The following CDIN1 variants were observed in gnomAD, a reference collection of about 807,000 sequenced individuals.
CDIN1 encodes CDAN1 interacting nuclease 1, also known as CDAN1-interacting nuclease 1.
CDIN1 carries 33 observed loss-of-function variants against 45.3 expected under a neutral mutation model. The observed-to-expected ratio is 0.73, with a 90% CI of 0.55 to 0.97. The LOEUF is 0.97. Ranked by LOEUF, CDIN1 falls within the 50% of genes least tolerant of loss-of-function variation. The pLI is 0.00. For synonymous variants in CDIN1, 118 were observed against 124.4 expected (o/e 0.95, Z 0.34); for missense variants, 303 against 339.4 (o/e 0.89, Z 0.84).
chr15:36,731,043 AACT>A (rs1201312527), intron 10 of CDIN1, among the ~76,000 whole-genome samples: 1 of 152,088 alleles, frequency 6.6e-6, no homozygotes, highest in African/African-American at 2.4e-5. Flanking sequence ...GCTTTCACCC[AACT>A]TAAAGACAAT....
At chr15:36,727,534 G>T (rs2043681677) in intron 10 of CDIN1, among the ~76,000 whole-genome samples, 1 of 151,974 alleles carries the variant, frequency 6.6e-6, no homozygotes, top group Non-Finnish European at 1.5e-5. Context: ...GAGAATCAGT[G>T]GACTTTCTCA....
At chr15:36,635,255 A>G (rs1271036368) in intron 1 of CDIN1, among the ~76,000 whole-genome samples, 2 of 152,226 alleles carry the variant, frequency 1.3e-5, no homozygotes, top group South Asian at 2.1e-4. Context: ...TACTCCCAGT[A>G]TCAAGTCAGA....
At chr15:36,804,674 CTTTTTTT>C (rs3045810) in intron 10 of CDIN1, 7 of 84,890 alleles carry the variant, frequency 8.2e-5, no homozygotes, top group African/African-American at 2.9e-4. Context: ...CAGAGAATCA[CTTTTTTT>C]TTTTTTTTTT....
At chr15:36,799,310 GT>G (rs1264322029) in intron 10 of CDIN1, 3 of 152,132 alleles carry the variant, frequency 2.0e-5, no homozygotes, top group African/African-American at 7.2e-5. Flanking sequence ...CTTTTGCTAT[GT>G]TTGCTGTCTC....
intron 3 of CDIN1, among the ~76,000 whole-genome samples, chr15:36,651,834 G>A (rs150760042): frequency 6.6e-6 from 1 of 152,260 alleles, no homozygotes; most frequent in Non-Finnish European, 1.5e-5. Context: ...GTATGGTCAT[G>A]CTTTTAATAT....
At chr15:36,792,467 A>T (rs1229632620) in intron 10 of CDIN1, among the ~76,000 whole-genome samples, 1 of 152,094 alleles carries the variant, frequency 6.6e-6, no homozygotes, top group East Asian at 1.9e-4. Flanking sequence ...AAATCGGGGG[A>T]ACCCTGTGGA....
At chr15:36,610,696 A>G (rs1009661671) in intron 1 of CDIN1, among the ~76,000 whole-genome samples, 3 of 152,252 alleles carry the variant, frequency 2.0e-5, no homozygotes, top group African/African-American at 7.2e-5. Flanking sequence ...GCCCTCTGCA[A>G]AGGCTACTGC....
At chr15:36,769,013 G>T (rs922257573) in intron 10 of CDIN1, among the ~76,000 whole-genome samples, 2 of 152,022 alleles carry the variant, frequency 1.3e-5, no homozygotes, top group Non-Finnish European at 2.9e-5. Flanking sequence ...AAAAGGTTGT[G>T]GAGAGATAAG....
rs935624756 is a variant in CDIN1 at position 36,746,712 on chromosome 15, G to C, written c.716+36751G>C. On this transcript the variant is annotated intron_variant, in intron 10 of 10. Transcript: ENST00000566621. ...ACACACACACACTGCTACTTTGTGA[G>C]TAAAAGAAAACAAGGTATCATTAAA... Among the ~76,000 whole-genome samples, 8 of 102,142 alleles carry C rather than the reference G, an allele frequency of 7.8e-5. No individual in the cohort carries two copies. The Admixed American group carries it at 8.9e-4, about 11-fold the overall frequency. 67.0% of individuals were successfully genotyped at this position (102,142 alleles called of 152,430 possible).
At chr15:36,729,477 A>G (rs2043762594) in intron 10 of CDIN1, among the ~76,000 whole-genome samples, 1 of 152,172 alleles carries the variant, frequency 6.6e-6, no homozygotes. Context: ...TTTGATTAGC[A>G]TGGCCTCATC....
chr15:36,720,219 T>C (rs2043359437), intron 10 of CDIN1, among the ~76,000 whole-genome samples: 1 of 148,614 alleles, frequency 6.7e-6, no homozygotes, highest in Non-Finnish European at 1.5e-5. Context: ...AGTTCATTTT[T>C]TTCCAATATA....
At chr15:36,585,322 G>GT (rs1252842566) in intron 1 of CDIN1, among the ~76,000 whole-genome samples, 2 of 152,122 alleles carry the variant, frequency 1.3e-5, no homozygotes, top group South Asian at 4.1e-4. Flanking sequence ...AACTTTGCTA[G>GT]TTTTTTCACT....
intron 1 of CDIN1, among the ~76,000 whole-genome samples, chr15:36,621,140 T>C (rs2039167276): frequency 6.6e-6 from 1 of 152,212 alleles, no homozygotes; most frequent in Non-Finnish European, 1.5e-5. Context: ...AAGGGATAAT[T>C]TGTAATAGTA....
chr15:36,771,412 C>T (rs950257992), intron 10 of CDIN1, among the ~76,000 whole-genome samples: 1 of 152,100 alleles, frequency 6.6e-6, no homozygotes, highest in Non-Finnish European at 1.5e-5. Flanking sequence ...CATACACAGG[C>T]ACACTGATAG....
At chr15:36,786,740 C>T (rs2141071168) in intron 10 of CDIN1, among the ~76,000 whole-genome samples, 1 of 152,302 alleles carries the variant, frequency 6.6e-6, no homozygotes, top group South Asian at 2.1e-4. Flanking sequence ...CCTACTTCCT[C>T]ATGTCTCTGA....
chr15:36,770,790 A>G (rs552454016), intron 10 of CDIN1, among the ~76,000 whole-genome samples: 2 of 152,298 alleles, frequency 1.3e-5, no homozygotes, highest in East Asian at 3.9e-4. Context: ...TTTGGCCTCT[A>G]GGAGATCTAT....
intron 10 of CDIN1, among the ~76,000 whole-genome samples, chr15:36,755,315 G>A (rs912108839): frequency 6.6e-5 from 10 of 152,114 alleles, no homozygotes; most frequent in Admixed American, 2.0e-4. Flanking sequence ...CCCAAACCCT[G>A]CAATTTAATA....
At chr15:36,602,096 T>C (rs1411629956) in intron 1 of CDIN1, among the ~76,000 whole-genome samples, 1 of 152,242 alleles carries the variant, frequency 6.6e-6, no homozygotes, top group African/African-American at 2.4e-5. Flanking sequence ...TGAATTTCAC[T>C]TACTGTGAAT....
chr15:36,793,003 G>A (rs943151240), intron 10 of CDIN1, among the ~76,000 whole-genome samples: 2 of 151,936 alleles, frequency 1.3e-5, no homozygotes, highest in African/African-American at 4.8e-5. Flanking sequence ...CTCTCCACTC[G>A]ATCTGCATGT....
Sources: allele counts gnomAD v4.1 joint callset (sites outside exome capture counted in the v4.1 genomes callset), GRCh38; gene constraint gnomAD v4.1.1; transcripts MANE v1.5; gene names NCBI Gene and HGNC (gene_info 2026-07-23, HGNC 2026-07-21).